The following GABRB1 variants were observed in gnomAD, a reference collection of about 807,000 sequenced individuals.
The protein encoded by GABRB1 is gamma-aminobutyric acid receptor subunit beta-1.
A neutral mutation model predicts 51.6 loss-of-function variants in GABRB1; 17 were observed. The observed-to-expected ratio is 0.33, with a 90% CI of 0.23 to 0.49. The LOEUF is 0.49. Among genes scored for constraint, GABRB1 ranks in the 20% least tolerant of loss-of-function variants. The probability of loss-of-function intolerance (pLI) is 0.99; values close to 1 mark genes in which losing one functional copy is unlikely to be tolerated. For synonymous variants in GABRB1, 247 were observed against 218.9 expected, an observed-to-expected ratio of 1.13 and a Z score of -1.14; for missense variants, 410 against 600.6, an observed-to-expected ratio of 0.68 and a Z score of 3.32.
intron 4 of GABRB1, among the ~76,000 whole-genome samples, chr4:47,225,335 G>T (rs1179517362): frequency 6.6e-6 from 1 of 152,128 alleles, no homozygotes; most frequent in African/African-American, 2.4e-5. Context: ...GGAGTGTAAA[G>T]ATTTCATTTA....
At chr4:47,164,906 T>C (rs1560566772) in intron 4 of GABRB1, among the ~76,000 whole-genome samples, 1 of 152,084 alleles carries the variant, frequency 6.6e-6, no homozygotes, top group African/African-American at 2.4e-5. Flanking sequence ...TCATTCCTTG[T>C]GCCTCTTGCC....
intron 4 of GABRB1, among the ~76,000 whole-genome samples, chr4:47,185,702 A>G (rs1300457921): frequency 6.6e-6 from 1 of 151,914 alleles, no homozygotes; most frequent in Non-Finnish European, 1.5e-5. Context: ...TGAAGATGCT[A>G]ATAACACAAA....
At chr4:47,379,304 C>T (rs1207917655) in intron 5 of GABRB1, among the ~76,000 whole-genome samples, 2 of 152,058 alleles carry the variant, frequency 1.3e-5, no homozygotes, top group Non-Finnish European at 2.9e-5. Context: ...TACAGTAGTG[C>T]AAAAGGGATA....
chr4:47,146,424 C>A (rs117404909), intron 3 of GABRB1, among the ~76,000 whole-genome samples: 1 of 151,592 alleles, frequency 6.6e-6, no homozygotes, highest in Non-Finnish European at 1.5e-5. Context: ...AGAAAGTATA[C>A]GAGGAAATTG....
At chr4:47,227,150 A>G (rs1172134584) in intron 4 of GABRB1, among the ~76,000 whole-genome samples, 2 of 152,170 alleles carry the variant, frequency 1.3e-5, no homozygotes. Flanking sequence ...TTCTCGATCC[A>G]GTTAAATCTG....
chr4:47,391,958 A>T (rs1456576699), intron 5 of GABRB1, among the ~76,000 whole-genome samples: 2 of 152,200 alleles, frequency 1.3e-5, no homozygotes, highest in Non-Finnish European at 2.9e-5. Flanking sequence ...GAAACAGTTG[A>T]AATATTCTGC....
intron 3 of GABRB1, among the ~76,000 whole-genome samples, chr4:47,089,075 C>T (rs905605097): frequency 2.0e-5 from 3 of 152,116 alleles, no homozygotes; most frequent in Admixed American, 6.5e-5. Flanking sequence ...CCAGCTTTTC[C>T]ATTTGAAGCA....
intron 4 of GABRB1, among the ~76,000 whole-genome samples, chr4:47,171,225 G>A (rs1430233790): frequency 2.0e-5 from 3 of 150,558 alleles, no homozygotes; most frequent in African/African-American, 7.3e-5. Context: ...CCAAATTCCT[G>A]ACCTTGATTG....
At chr4:47,089,404 G>A (rs1696007483) in intron 3 of GABRB1, among the ~76,000 whole-genome samples, 1 of 152,172 alleles carries the variant, frequency 6.6e-6, no homozygotes, top group Admixed American at 6.5e-5. Context: ...CCAGTTTAAA[G>A]TGGTCTATGT....
chr4:47,037,768 C>T (rs141391611), intron 3 of GABRB1, among the ~76,000 whole-genome samples: 1,676 of 152,138 alleles, frequency 0.011, 17 homozygotes, highest in Non-Finnish European at 0.015. Context: ...CGATTTAATC[C>T]TTTACTTAAT....
chr4:47,060,625 G>C (rs1160748433), intron 3 of GABRB1, among the ~76,000 whole-genome samples: 3 of 152,066 alleles, frequency 2.0e-5, no homozygotes, highest in African/African-American at 7.2e-5. Context: ...ATCCAACAGG[G>C]TCTCTCCTGC....
intron 3 of GABRB1, among the ~76,000 whole-genome samples, chr4:47,067,336 C>T (rs551798835): frequency 1.3e-5 from 2 of 152,102 alleles, no homozygotes; most frequent in Non-Finnish European, 2.9e-5. Flanking sequence ...TGCATTTGCC[C>T]CTAACAAGAG....
At chr4:47,195,441 T>C (rs1264880149) in intron 4 of GABRB1, among the ~76,000 whole-genome samples, 2 of 110,952 alleles carry the variant, frequency 1.8e-5, no homozygotes, top group Non-Finnish European at 3.6e-5. Context: ...GATAGATAGA[T>C]AGATGATAGA....
At chr4:47,091,372 A>G (rs938209204) in intron 3 of GABRB1, among the ~76,000 whole-genome samples, 1 of 152,212 alleles carries the variant, frequency 6.6e-6, no homozygotes, top group African/African-American at 2.4e-5. Flanking sequence ...AAATGAAAAA[A>G]CAAAACATAA....
intron 4 of GABRB1, among the ~76,000 whole-genome samples, chr4:47,241,706 T>C (rs1442286462): frequency 6.6e-6 from 1 of 152,142 alleles, no homozygotes; most frequent in African/African-American, 2.4e-5. Context: ...CTTTTCAGCC[T>C]ATGGAATGTG....
At chr4:47,233,463 T>C (rs552174044) in intron 4 of GABRB1, among the ~76,000 whole-genome samples, 46 of 152,180 alleles carry the variant, frequency 3.0e-4, no homozygotes, top group Non-Finnish European at 5.4e-4. Flanking sequence ...TATTGAACTT[T>C]TATAACTTCT....
chr4:47,153,877 T>C (rs1206403233), intron 3 of GABRB1, among the ~76,000 whole-genome samples: 7 of 152,052 alleles, frequency 4.6e-5, no homozygotes, highest in Non-Finnish European at 1.0e-4. Context: ...AAGCACACAC[T>C]AGGCTACAGC....
At chr4:47,130,837 C>A (rs1716383368) in intron 3 of GABRB1, among the ~76,000 whole-genome samples, 1 of 152,070 alleles carries the variant, frequency 6.6e-6, no homozygotes, top group Non-Finnish European at 1.5e-5. Flanking sequence ...ATAGTAATAG[C>A]TCAATAAACA....
chr4:47,100,173 A>G (rs1359707331), intron 3 of GABRB1, among the ~76,000 whole-genome samples: 1 of 149,860 alleles, frequency 6.7e-6, no homozygotes, highest in Non-Finnish European at 1.5e-5. Flanking sequence ...TCAAATAACT[A>G]GAAAAATATT....
Sources: gnomAD v4.1 joint callset for allele counts (sites outside exome capture counted in the v4.1 genomes callset) on GRCh38, gnomAD v4.1.1 for gene constraint, MANE v1.5 for transcripts, NCBI Gene and HGNC (gene_info 2026-07-23, HGNC 2026-07-21) for gene names.